TMEFF1: variants seen among roughly 807,000 people sequenced by gnomAD.
TMEFF1 encodes the protein transmembrane protein with EGF like and two follistatin like domains 1.
Under a neutral mutation model 47.5 loss-of-function variants are expected in TMEFF1, and 20 were observed. That is an observed-to-expected ratio of 0.42 (90% CI 0.30 to 0.61). The LOEUF is 0.61. Ranked by LOEUF, TMEFF1 falls within the 20% of genes least tolerant of loss-of-function variation. The pLI, the probability that TMEFF1 is intolerant of heterozygous loss-of-function variation, is 0.19. For synonymous variants in TMEFF1, 162 were observed against 166.3 expected (o/e 0.97, Z 0.20); for missense variants, 411 against 471.1 (o/e 0.87, Z 1.18).
intron 1 of TMEFF1, among the ~76,000 whole-genome samples, chr9:100,491,605 C>CG (rs1837553678): frequency 6.6e-6 from 1 of 152,060 alleles, no homozygotes; most frequent in Non-Finnish European, 1.5e-5. Flanking sequence ...TTTGAAGACT[C>CG]GAAGTGGTGG....
intron 8 of TMEFF1, among the ~76,000 whole-genome samples, chr9:100,571,916 C>G (rs979142872): frequency 1.1e-4 from 16 of 152,046 alleles, no homozygotes; most frequent in African/African-American, 3.9e-4. Flanking sequence ...ATAGGGTTTG[C>G]GCTCCTATGA....
chr9:100,545,744 A>G (rs1193493223), intron 5 of TMEFF1, among the ~76,000 whole-genome samples: 1 of 152,206 alleles, frequency 6.6e-6, no homozygotes, highest in East Asian at 1.9e-4. Flanking sequence ...AATGCCTTTA[A>G]TAGCACCCAA....
At chr9:100,551,662 T>C (rs569180019) in intron 7 of TMEFF1, among the ~76,000 whole-genome samples, 2 of 152,340 alleles carry the variant, frequency 1.3e-5, no homozygotes, top group African/African-American at 4.8e-5. Context: ...AGAATTGATC[T>C]CTAATTTAAA....
At chr9:100,569,455 G>A (rs1839185686) in intron 8 of TMEFF1, among the ~76,000 whole-genome samples, 1 of 152,008 alleles carries the variant, frequency 6.6e-6, no homozygotes, top group South Asian at 2.1e-4. Flanking sequence ...TCAGATATAT[G>A]GAACTTACTT....
intron 7 of TMEFF1, among the ~76,000 whole-genome samples, chr9:100,559,555 T>C (rs1838975850): frequency 6.6e-6 from 1 of 152,178 alleles, no homozygotes; most frequent in Non-Finnish European, 1.5e-5. Flanking sequence ...TTTTTAATAT[T>C]GGTAGTATGT....
chr9:100,510,465 A>C (rs1764453137), intron 3 of TMEFF1, among the ~76,000 whole-genome samples: 1 of 151,954 alleles, frequency 6.6e-6, no homozygotes, highest in Non-Finnish European at 1.5e-5. Context: ...CCTGAGCATC[A>C]GTGTTCATAG....
At chr9:100,555,801 T>G (rs1564026730) in intron 7 of TMEFF1, among the ~76,000 whole-genome samples, 1 of 152,222 alleles carries the variant, frequency 6.6e-6, no homozygotes, top group East Asian at 1.9e-4. Context: ...CAGTAGGATA[T>G]TCTTTCATTT....
chr9:100,550,676 A>G (rs1838814921), intron 7 of TMEFF1, among the ~76,000 whole-genome samples: 1 of 151,890 alleles, frequency 6.6e-6, no homozygotes, highest in South Asian at 2.1e-4. Flanking sequence ...CACTTAGCCC[A>G]CTCTATTATA....
At chr9:100,501,495 T>C (rs1587823503) in intron 2 of TMEFF1, among the ~76,000 whole-genome samples, 1 of 152,194 alleles carries the variant, frequency 6.6e-6, no homozygotes, top group East Asian at 1.9e-4. Flanking sequence ...TCATGTTGAT[T>C]TGTAAAGACA....
At chr9:100,496,509 G>T (rs1202511757) in intron 1 of TMEFF1, among the ~76,000 whole-genome samples, 2 of 152,184 alleles carry the variant, frequency 1.3e-5, no homozygotes, top group Admixed American at 1.3e-4. Flanking sequence ...CAAAGTGCTG[G>T]GATTACAGGC....
intron 5 of TMEFF1, among the ~76,000 whole-genome samples, chr9:100,542,894 T>A (rs1413222792): frequency 6.6e-6 from 1 of 151,628 alleles, no homozygotes; most frequent in Non-Finnish European, 1.5e-5. Context: ...TTTTGTTAGA[T>A]CTTCTGACTC....
At chr9:100,572,409 AT>A in intron 8 of TMEFF1, 108 bp from the exon 9 acceptor site, 1 of 1,246,080 alleles carries the variant, frequency 8.0e-7, no homozygotes, top group South Asian at 2.0e-5. Flanking sequence ...AGTGCATGAT[AT>A]CCTATTCCTG....
At chr9:100,527,352 C>T (rs1564018422) in intron 5 of TMEFF1, among the ~76,000 whole-genome samples, 1 of 152,166 alleles carries the variant, frequency 6.6e-6, no homozygotes, top group Non-Finnish European at 1.5e-5. Context: ...CTAGGGAGTG[C>T]CAGACAGTGG....
intron 1 of TMEFF1, among the ~76,000 whole-genome samples, chr9:100,475,864 G>C (rs964202452): frequency 2.0e-5 from 3 of 151,626 alleles, no homozygotes; most frequent in Non-Finnish European, 1.5e-5. Flanking sequence ...GTGTGTGTGC[G>C]TGTGAAGCCT....
At chr9:100,529,454 A>G (rs1838334332) in intron 5 of TMEFF1, among the ~76,000 whole-genome samples, 1 of 144,742 alleles carries the variant, frequency 6.9e-6, no homozygotes. Context: ...AGTCTCTGAT[A>G]AAACAGACTT....
chr9:100,532,732 T>C (rs369102247), intron 5 of TMEFF1, among the ~76,000 whole-genome samples: 38,555 of 151,708 alleles, frequency 0.25, 6,131 homozygotes, highest in Non-Finnish European at 0.35. Flanking sequence ...GCCATCCCAT[T>C]ACTGGGTATA....
intron 1 of TMEFF1, among the ~76,000 whole-genome samples, chr9:100,487,833 T>G (rs1210443981): frequency 6.6e-6 from 1 of 152,102 alleles, no homozygotes; most frequent in Non-Finnish European, 1.5e-5. Context: ...CAAGATCATA[T>G]AGTTACTTTT....
intron 5 of TMEFF1, among the ~76,000 whole-genome samples, chr9:100,542,935 T>C (rs1055800384): frequency 1.5e-4 from 23 of 149,686 alleles, no homozygotes; most frequent in African/African-American, 4.4e-4. Flanking sequence ...TTTTTTTTTT[T>C]TTTTTTTTTT....
intron 1 of TMEFF1, among the ~76,000 whole-genome samples, chr9:100,498,143 C>T (rs1185960051): frequency 6.6e-6 from 1 of 152,108 alleles, no homozygotes; most frequent in African/African-American, 2.4e-5. Flanking sequence ...GCTCTGCTTG[C>T]TTTGGTAGAG....
Sources: allele counts gnomAD v4.1 joint callset (sites outside exome capture counted in the v4.1 genomes callset), GRCh38; gene constraint gnomAD v4.1.1; transcripts MANE v1.5; gene names NCBI Gene and HGNC (gene_info 2026-07-23, HGNC 2026-07-21).